Variants in DCDC2 observed in about 807,000 individuals in gnomAD.
DCDC2 encodes the protein doublecortin domain-containing protein 2.
In DCDC2, 40 loss-of-function variants were observed where a neutral mutation model predicts 50.2. The ratio of observed to expected loss-of-function variants is 0.80; its 90% CI spans 0.62 to 1.04. The LOEUF (loss-of-function observed/expected upper bound fraction) is 1.04, where lower values mean the gene tolerates loss of function less well. DCDC2 is among the 50% of genes least tolerant of loss of function. The probability of loss-of-function intolerance (pLI) is 0.00; values close to 1 mark genes in which losing one functional copy is unlikely to be tolerated. For synonymous variants in DCDC2, 234 were observed against 210.6 expected (o/e 1.11, Z -0.96); for missense variants, 570 against 581.9 (o/e 0.98, Z 0.21).
chr6:24,359,488 A>ATATT (rs71002485), upstream of DCDC2, among the ~76,000 whole-genome samples: 1 of 79,152 alleles, frequency 1.3e-5, no homozygotes, highest in South Asian at 3.0e-4. Flanking sequence ...TTTTATATAT[A>ATATT]ATATATTATA....
intron 2 of DCDC2, among the ~76,000 whole-genome samples, chr6:24,320,957 TTAAAAA>T (rs1759763425): frequency 8.4e-6 from 1 of 118,848 alleles, no homozygotes; most frequent in Non-Finnish European, 1.8e-5. Flanking sequence ...AATAAAAAAA[TTAAAAA>T]AAAAAAAAAA....
At chr6:24,237,244 G>C (rs971091298) in intron 7 of DCDC2, among the ~76,000 whole-genome samples, 31 of 151,504 alleles carry the variant, frequency 2.0e-4, no homozygotes, top group African/African-American at 7.5e-4. Context: ...GACAGAATCA[G>C]AAAAAAAATA....
At chr6:24,311,544 C>T (rs1175102727) in intron 2 of DCDC2, among the ~76,000 whole-genome samples, 1 of 152,174 alleles carries the variant, frequency 6.6e-6, no homozygotes, top group African/African-American at 2.4e-5. Context: ...TTCACAATAT[C>T]ATTCTAAGGT....
chr6:24,366,242 C>T, the DCDC2 span, among the ~76,000 whole-genome samples: 1 of 152,084 alleles, frequency 6.6e-6, no homozygotes, highest in African/African-American at 2.4e-5. Flanking sequence ...CTGAAGAAAA[C>T]CATAAAGTGA....
At chr6:24,305,047 A>G (rs959733934) in intron 2 of DCDC2, among the ~76,000 whole-genome samples, 1 of 152,240 alleles carries the variant, frequency 6.6e-6, no homozygotes, top group Non-Finnish European at 1.5e-5. Flanking sequence ...AATTAAAGGC[A>G]AAAGTTAATA....
chr6:24,233,271 T>C (rs550910606), intron 7 of DCDC2, among the ~76,000 whole-genome samples: 1 of 152,342 alleles, frequency 6.6e-6, no homozygotes, highest in African/African-American at 2.4e-5. Flanking sequence ...TTTTGTCTGA[T>C]TACAAAATAA....
At chr6:24,356,815 G>A (rs998129120) in intron 1 of DCDC2, 3 of 152,164 alleles carry the variant, frequency 2.0e-5, no homozygotes, top group Non-Finnish European at 4.4e-5. Flanking sequence ...CTCAAGAGCT[G>A]GGAATAAGGA....
chr6:24,253,397 C>T (rs1338461755), intron 7 of DCDC2, among the ~76,000 whole-genome samples: 1 of 152,010 alleles, frequency 6.6e-6, no homozygotes, highest in African/African-American at 2.4e-5. Flanking sequence ...TGAACTTTAC[C>T]AACATAATGT....
chr6:24,281,810 A>C (rs1763479395), intron 6 of DCDC2, among the ~76,000 whole-genome samples: 1 of 152,188 alleles, frequency 6.6e-6, no homozygotes, highest in Non-Finnish European at 1.5e-5. Flanking sequence ...AAATAAAACG[A>C]TATCACTGGG....
chr6:24,327,190 G>A (rs1055511414), intron 2 of DCDC2, among the ~76,000 whole-genome samples: 1 of 149,502 alleles, frequency 6.7e-6, no homozygotes. Flanking sequence ...TGTTGCTTTC[G>A]TCACCAATTC....
chr6:24,178,959 T>C (rs1052316180), intron 8 of DCDC2, among the ~76,000 whole-genome samples: 1 of 152,142 alleles, frequency 6.6e-6, no homozygotes, highest in African/African-American at 2.4e-5. Flanking sequence ...GAACCAGTGC[T>C]TGTAACCCCC....
At chr6:24,179,061 T>G (rs1314121397) in intron 8 of DCDC2, among the ~76,000 whole-genome samples, 3 of 152,038 alleles carry the variant, frequency 2.0e-5, no homozygotes, top group African/African-American at 7.2e-5. Flanking sequence ...AAAAAGTCTT[T>G]GTGGAAAGAT....
At chr6:24,197,768 G>A (rs975967071) in intron 8 of DCDC2, among the ~76,000 whole-genome samples, 2 of 152,154 alleles carry the variant, frequency 1.3e-5, no homozygotes, top group South Asian at 2.1e-4. Context: ...GTCAGATGGT[G>A]AAATCTGCTT....
chr6:24,224,768 C>A (rs1762192624), intron 7 of DCDC2, among the ~76,000 whole-genome samples: 1 of 152,150 alleles, frequency 6.6e-6, no homozygotes, highest in Non-Finnish European at 1.5e-5. Flanking sequence ...TTCTGTGATC[C>A]CACAGCATGC....
At chr6:24,217,820 T>C (rs1762013780) in intron 7 of DCDC2, among the ~76,000 whole-genome samples, 1 of 152,244 alleles carries the variant, frequency 6.6e-6, no homozygotes, top group South Asian at 2.1e-4. Flanking sequence ...CAAGATATAA[T>C]AACTTTAACT....
Position 24,341,997 on chromosome 6 carries a change from A to G in DCDC2, c.348+11572T>C, listed in dbSNP as rs566121851. ...ACAGAGAATTTGTTCTACATTAAAG[A>G]GAAATAAAATTTAAAGTGTTTAACC... On this transcript the variant is annotated intron_variant, in intron 2 of 9. Transcript: ENST00000378454. Among the ~76,000 whole-genome samples the G allele has an allele frequency of 2.6e-5, 4 of 152,276 alleles. No homozygotes were observed. In the East Asian group the frequency reaches 7.7e-4, roughly 29 times the overall value.
chr6:24,362,356 T>TTTTTATTTAATTGTATATTGATACAATTA (rs1760680674), upstream of DCDC2, among the ~76,000 whole-genome samples: 1 of 144,510 alleles, frequency 6.9e-6, no homozygotes, highest in Non-Finnish European at 1.5e-5. Context: ...GATACAATTA[T>TTTTTATTTAATTGTATATTGATACAATTA]TTTTTATTTA....
chr6:24,361,264 G>A (rs1004380327), upstream of DCDC2, among the ~76,000 whole-genome samples: 1 of 152,078 alleles, frequency 6.6e-6, no homozygotes, highest in African/African-American at 2.4e-5. Context: ...AGATACTGGG[G>A]CCTACTTGAG....
At chr6:24,255,253 A>ATAT (rs1762878043) in intron 7 of DCDC2, among the ~76,000 whole-genome samples, 1 of 152,084 alleles carries the variant, frequency 6.6e-6, no homozygotes, top group Admixed American at 6.6e-5. Flanking sequence ...CATCAACTAG[A>ATAT]TATTCACATG....
Sources: gnomAD v4.1 joint callset for allele counts (sites outside exome capture counted in the v4.1 genomes callset) on GRCh38, gnomAD v4.1.1 for gene constraint, MANE v1.5 for transcripts, NCBI Gene and HGNC (gene_info 2026-07-23, HGNC 2026-07-21) for gene names.